Variants in PUM2 observed in about 807,000 individuals in gnomAD.
PUM2 encodes pumilio RNA binding family member 2.
In PUM2, 57 loss-of-function variants were observed where a neutral mutation model predicts 124.5. The ratio of observed to expected loss-of-function variants is 0.46; its 90% CI spans 0.37 to 0.57. The LOEUF is 0.57. Ranked by LOEUF, PUM2 falls within the 20% of genes least tolerant of loss-of-function variation. PUM2 has a pLI of 0.00. For synonymous variants in PUM2, 460 were observed against 446.1 expected (o/e 1.03, Z -0.39); for missense variants, 1,065 against 1,290.6 (o/e 0.83, Z 2.68).
chr2:20,302,841 G>C (rs1398892382), intron 7 of PUM2, among the ~76,000 whole-genome samples: 2 of 152,186 alleles, frequency 1.3e-5, no homozygotes, highest in Non-Finnish European at 2.9e-5. Flanking sequence ...AACTCTCTAA[G>C]ATAACAAAAC....
chr2:20,282,274 G>C (rs1671713388), intron 12 of PUM2, among the ~76,000 whole-genome samples: 1 of 152,082 alleles, frequency 6.6e-6, no homozygotes, highest in Non-Finnish European at 1.5e-5. Flanking sequence ...CAGTTTGAGT[G>C]GGTCAATTAT....
intron 1 of PUM2, among the ~76,000 whole-genome samples, chr2:20,328,103 G>A (rs901333955): frequency 6.6e-6 from 1 of 152,176 alleles, no homozygotes; most frequent in African/African-American, 2.4e-5. Context: ...GGGAGACCGA[G>A]GTGGGTGATC....
chr2:20,321,857 T>C (rs1264002400), intron 2 of PUM2, among the ~76,000 whole-genome samples: 2 of 152,178 alleles, frequency 1.3e-5, no homozygotes, highest in African/African-American at 4.8e-5. Context: ...CAGTGTTTCT[T>C]ATCAATCTGC....
intron 1 of PUM2, among the ~76,000 whole-genome samples, chr2:20,337,368 T>C (rs1317341682): frequency 1.3e-5 from 2 of 152,180 alleles, no homozygotes; most frequent in African/African-American, 4.8e-5. Context: ...GGCATATTGT[T>C]TGGGATTTAC....
In PUM2 at chr2:20,350,771, G is replaced by T; in HGVS notation, c.-193C>A. 15 of 872,332 alleles carry T rather than the reference G, an allele frequency of 1.7e-5. No homozygotes were observed. The highest frequency in any genetic ancestry group is 1.7e-5 in the Non-Finnish European group (13 of 775,102). 54.0% of individuals were successfully genotyped at this position (872,332 alleles called of 1,614,324 possible). ...CTCCTTCTCCTCCCCCTCCTCCTCC[G>T]AACCACCGAAGTACCGAGGGTGAGA... On this transcript the variant is annotated 5_prime_UTR_variant, in exon 1 of 21. Transcript: ENST00000361078.
chr2:20,270,546 A>T (rs1477747165), intron 13 of PUM2, among the ~76,000 whole-genome samples: 1 of 132,374 alleles, frequency 7.6e-6, no homozygotes, highest in Admixed American at 7.7e-5. Flanking sequence ...GGTAAAAAAC[A>T]AATAAACACA....
At chr2:20,344,130 C>T (rs1211106954) in intron 1 of PUM2, among the ~76,000 whole-genome samples, 1 of 152,176 alleles carries the variant, frequency 6.6e-6, no homozygotes, top group East Asian at 1.9e-4. Context: ...TGCAGTGGCT[C>T]GATCTTGGCT....
chr2:20,288,587 C>G (rs373046526), intron 10 of PUM2, among the ~76,000 whole-genome samples: 1 of 151,874 alleles, frequency 6.6e-6, no homozygotes, highest in Non-Finnish European at 1.5e-5. Flanking sequence ...AGATTCAAGA[C>G]GGAAAAACAA....
chr2:20,343,015 G>A (rs184901648), intron 1 of PUM2, among the ~76,000 whole-genome samples: 22 of 152,088 alleles, frequency 1.4e-4, no homozygotes, highest in African/African-American at 4.8e-4. Flanking sequence ...GCTAGAGTGC[G>A]GTGGTGCCTT....
chr2:20,277,822 A>G (rs1670598681), intron 13 of PUM2, among the ~76,000 whole-genome samples: 2 of 152,158 alleles, frequency 1.3e-5, no homozygotes, highest in Non-Finnish European at 2.9e-5. Flanking sequence ...TTCAAAATAA[A>G]GTTTTAAAAA....
chr2:20,341,623 T>C (rs936918717), intron 1 of PUM2, among the ~76,000 whole-genome samples: 5 of 152,194 alleles, frequency 3.3e-5, no homozygotes, highest in Admixed American at 1.3e-4. Context: ...GCAAAATAAA[T>C]TTCTTAATGT....
chr2:20,315,675 G>C (rs1680712187), intron 3 of PUM2, among the ~76,000 whole-genome samples: 1 of 151,756 alleles, frequency 6.6e-6, no homozygotes, highest in Non-Finnish European at 1.5e-5. Flanking sequence ...AAAAATCTTT[G>C]GTTGGCTGGG....
chr2:20,286,351 T>C (rs1325749648), intron 10 of PUM2, among the ~76,000 whole-genome samples: 1 of 152,184 alleles, frequency 6.6e-6, no homozygotes, highest in Non-Finnish European at 1.5e-5. Context: ...ACGTGGGATG[T>C]GAGGTAAAAA....
chr2:20,283,313 T>C (rs1243753792), intron 11 of PUM2, 30 bp downstream of exon 11: 1 of 1,610,882 alleles, frequency 6.2e-7, no homozygotes, highest in Non-Finnish European at 8.5e-7. Context: ...ACCAGAAAAA[T>C]ATTATCCTAA....
chr2:20,262,026 T>TC (rs1666419327), intron 14 of PUM2, among the ~76,000 whole-genome samples: 1 of 152,024 alleles, frequency 6.6e-6, no homozygotes, highest in Non-Finnish European at 1.5e-5. Flanking sequence ...GCCCAGGAGG[T>TC]TGAGGTTGCA....
intron 19 of PUM2, 55 bp from the exon 20 acceptor site, chr2:20,254,069 T>C (rs751493827): frequency 1.4e-6 from 2 of 1,458,154 alleles, no homozygotes; most frequent in Non-Finnish European, 1.9e-6. Flanking sequence ...CACAGCAAAA[T>C]TTCCTTGACT....
rs1241003353 is a variant in PUM2 at position 20,250,936 on chromosome 2, G to C, written c.*649C>G. On this transcript the variant is annotated 3_prime_UTR_variant, in exon 21 of 21. Coordinates refer to ENST00000361078, the MANE Select transcript of PUM2 (RefSeq NM_015317.5). ...ACATTGCCAGAGACATTTTAGGGCA[G>C]TAATTGTATTAAAACCACATCTACT... The C allele has an allele frequency of 6.6e-6, 1 of 152,552 alleles. No individual in the cohort carries two copies. Among genetic ancestry groups the C allele is most frequent in the African/African-American group, 2.4e-5 (1 of 41,432 alleles). The allele number at this position is 152,552 out of a possible 1,614,324, so 9.4% of individuals were successfully genotyped here. A position where few individuals can be genotyped will look rare whatever the true frequency, so the allele number is the denominator to read the frequency against.
rs1312892509 is a variant in PUM2, at chr2:20,254,155, T to C, written c.2871-141A>G. The C allele has an allele frequency of 3.8e-6, 3 of 785,104 alleles. No homozygotes were observed. The African/African-American group carries it at 5.3e-5, about 14-fold the overall frequency. 48.6% of individuals were successfully genotyped at this position (785,104 alleles called of 1,614,324 possible). A position where few individuals can be genotyped will look rare whatever the true frequency, so the allele number is the denominator to read the frequency against. ...TTCTCTTGTCTTATGATTACTTTTA[T>C]TTTATTTTGTTCTTTTTTTTTTTGA... On this transcript the variant is annotated intron_variant, in intron 19 of 20. Coordinates refer to ENST00000361078, the MANE Select transcript of PUM2 (RefSeq NM_015317.5).
intron 1 of PUM2, among the ~76,000 whole-genome samples, chr2:20,334,718 C>G (rs1685622796): frequency 6.6e-6 from 1 of 152,196 alleles, no homozygotes; most frequent in Non-Finnish European, 1.5e-5. Flanking sequence ...TTCGCTTAGA[C>G]TTTTTGTACT....
Sources: allele counts gnomAD v4.1 joint callset (sites outside exome capture counted in the v4.1 genomes callset), GRCh38; gene constraint gnomAD v4.1.1; transcripts MANE v1.5; gene names NCBI Gene and HGNC (gene_info 2026-07-23, HGNC 2026-07-21).